The following NALCN variants were observed in gnomAD, a reference collection of about 807,000 sequenced individuals.
NALCN encodes sodium leak channel, non-selective, also known as sodium leak channel NALCN.
NALCN carries 111 observed loss-of-function variants against 225.3 expected under a neutral mutation model. That is an observed-to-expected ratio of 0.49 (90% CI 0.42 to 0.58). The LOEUF is 0.58. NALCN is among the 20% of genes least tolerant of loss of function. The pLI, the probability that NALCN is intolerant of heterozygous loss-of-function variation, is 0.00. For synonymous variants in NALCN, 764 were observed against 769.0 expected, an observed-to-expected ratio of 0.99 and a Z score of 0.11; for missense variants, 1,378 against 2,202.4, an observed-to-expected ratio of 0.63 and a Z score of 7.49.
intron 13 of NALCN, among the ~76,000 whole-genome samples, chr13:101,220,446 G>A (rs772687748): frequency 2.0e-5 from 3 of 152,150 alleles, no homozygotes; most frequent in African/African-American, 4.8e-5. Context: ...TATTTGATTA[G>A]GGATGATAAT....
At chr13:101,238,334 T>G (rs2041639232) in intron 11 of NALCN, among the ~76,000 whole-genome samples, 1 of 151,960 alleles carries the variant, frequency 6.6e-6, no homozygotes, top group Non-Finnish European at 1.5e-5. Context: ...TTAACCTAAT[T>G]AAACTAAAAT....
chr13:101,141,698 G>T (rs1421466915), intron 17 of NALCN, among the ~76,000 whole-genome samples: 1 of 151,912 alleles, frequency 6.6e-6, no homozygotes, highest in Non-Finnish European at 1.5e-5. Context: ...AAGGGGAGGC[G>T]AGATAAAGAG....
chr13:101,083,595 C>T (rs764078732), intron 31 of NALCN, 116 bp downstream of exon 31: 3 of 966,704 alleles, frequency 3.1e-6, no homozygotes, highest in Non-Finnish European at 4.6e-6. Context: ...TTCTGTATTA[C>T]CTTATGCACA....
At chr13:101,153,029 C>T (rs77040747) in intron 15 of NALCN, among the ~76,000 whole-genome samples, 3,874 of 152,076 alleles carry the variant, frequency 0.025, 160 homozygotes, top group African/African-American at 0.088. Context: ...CACACAAACA[C>T]GCACATACAC....
At position 101,290,638 on chromosome 13, in the gene NALCN, A is replaced by G. The variant is rs74117843; in HGVS notation, c.1047+1352T>C. 9.1e-3 allele frequency among the ~76,000 whole-genome samples: 1,393 copies of G among 152,352 alleles called. 29 individuals are homozygous for G. Among genetic ancestry groups the G allele is most frequent in the African/African-American group, 0.031 (1,301 of 41,582 alleles). On this transcript the variant is annotated intron_variant, in intron 9 of 43. Coordinates refer to ENST00000251127, the MANE Select transcript of NALCN (RefSeq NM_052867.4). ...TCATCTATAATGAATTGACTGGACA[A>G]TTCAGACTTTTACAGCATCATAAAG... is the stretch of plus-strand genomic sequence containing the variant.
At chr13:101,201,453 G>A (rs751308074) in intron 13 of NALCN, among the ~76,000 whole-genome samples, 19 of 152,118 alleles carry the variant, frequency 1.2e-4, no homozygotes, top group Non-Finnish European at 2.2e-4. Context: ...GTGGCCAGGG[G>A]TCATCCATGT....
At chr13:101,382,707 C>A (rs1220780314) in intron 3 of NALCN, among the ~76,000 whole-genome samples, 1 of 152,130 alleles carries the variant, frequency 6.6e-6, no homozygotes, top group Non-Finnish European at 1.5e-5. Context: ...TAATTTCGAA[C>A]GACCTCAGTT....
At chr13:101,307,197 T>C (rs2044181555) in intron 7 of NALCN, among the ~76,000 whole-genome samples, 1 of 152,192 alleles carries the variant, frequency 6.6e-6, no homozygotes, top group South Asian at 2.1e-4. Context: ...TGTTTTGGTA[T>C]GATTAGCTTC....
chr13:101,382,902 T>C (rs1000170988), intron 3 of NALCN, among the ~76,000 whole-genome samples: 3 of 152,184 alleles, frequency 2.0e-5, no homozygotes, highest in Non-Finnish European at 2.9e-5. Context: ...CAATCAGAAT[T>C]GACCTCTTTT....
At chr13:101,143,511 C>A (rs1297909890) in intron 16 of NALCN, among the ~76,000 whole-genome samples, 1 of 151,380 alleles carries the variant, frequency 6.6e-6, no homozygotes, top group African/African-American at 2.4e-5. Context: ...GTTGCCCAGG[C>A]TGGAGTGCAA....
intron 11 of NALCN, among the ~76,000 whole-genome samples, chr13:101,255,340 C>A (rs1254370234): frequency 6.6e-6 from 1 of 152,134 alleles, no homozygotes; most frequent in East Asian, 1.9e-4. Context: ...CAATTCTGTA[C>A]ATGAAAAAGT....
Position 101,313,704 on chromosome 13 carries a change from C to T in NALCN, c.800-21338G>A, listed in dbSNP as rs576578050. Among the ~76,000 whole-genome samples the T allele has an allele frequency of 2.6e-5, 4 of 152,334 alleles. No individual in the cohort carries two copies. The South Asian group carries it at 6.2e-4, about 24-fold the overall frequency. On this transcript the variant is annotated intron_variant, in intron 7 of 43. Coordinates refer to ENST00000251127, the MANE Select transcript of NALCN (RefSeq NM_052867.4). Reference sequence around the variant, plus strand: ...GTGGAGAAACAGGAACACTTTTACACTGTTGGTAGGACTATAAACTAGTTC... The same window carrying T: ...GTGGAGAAACAGGAACACTTTTACATTGTTGGTAGGACTATAAACTAGTTC...
chr13:101,251,396 G>A (rs908832609), intron 11 of NALCN, among the ~76,000 whole-genome samples: 6 of 151,992 alleles, frequency 3.9e-5, no homozygotes, highest in Non-Finnish European at 8.8e-5. Flanking sequence ...CTGTGGATTA[G>A]GGAGAAGGAG....
chr13:101,071,561 C>T (rs1305619765), intron 37 of NALCN, among the ~76,000 whole-genome samples: 1 of 152,184 alleles, frequency 6.6e-6, no homozygotes, highest in Non-Finnish European at 1.5e-5. Flanking sequence ...ACCTCTCTCA[C>T]CCTTCATAAA....
At chr13:101,264,322 T>C (rs1447407684) in intron 10 of NALCN, among the ~76,000 whole-genome samples, 1 of 152,192 alleles carries the variant, frequency 6.6e-6, no homozygotes, top group Non-Finnish European at 1.5e-5. Context: ...CATTTTGGTT[T>C]ACATTTTTTA....
At chr13:101,299,278 T>C (rs2043863724) in intron 7 of NALCN, among the ~76,000 whole-genome samples, 1 of 152,198 alleles carries the variant, frequency 6.6e-6, no homozygotes. Context: ...TATCTCTGCT[T>C]GCGGAATAAG....
chr13:101,110,067 T>C (rs2035349239), intron 20 of NALCN, among the ~76,000 whole-genome samples: 2 of 152,218 alleles, frequency 1.3e-5, no homozygotes, highest in South Asian at 2.1e-4. Context: ...TCCTCGTTCC[T>C]TAAAACAGAA....
rs749596048 is a variant in NALCN, at chr13:101,210,280, T to G, written c.1627-18226A>C. Among the ~76,000 whole-genome samples, 14 of 152,152 alleles carry G rather than the reference T, an allele frequency of 9.2e-5. 1 individual carries two copies. The highest frequency in any genetic ancestry group is 1.5e-5 in the Non-Finnish European group (1 of 68,022). On this transcript the variant is annotated intron_variant, in intron 13 of 43. Transcript: ENST00000251127. ...ATCATGCTTCCTGGAAATTAAGATTTCAACATTGATTCCTAGAAAAAATGT... is the reference window on the plus strand; with the variant it reads ...ATCATGCTTCCTGGAAATTAAGATTGCAACATTGATTCCTAGAAAAAATGT...
chr13:101,296,646 G>T (rs1418191892), intron 7 of NALCN, among the ~76,000 whole-genome samples: 1 of 152,164 alleles, frequency 6.6e-6, no homozygotes, highest in African/African-American at 2.4e-5. Flanking sequence ...AATGAAAAAT[G>T]ATGCTACAAC....
Sources: gnomAD v4.1 joint callset for allele counts (sites outside exome capture counted in the v4.1 genomes callset) on GRCh38, gnomAD v4.1.1 for gene constraint, MANE v1.5 for transcripts, NCBI Gene and HGNC (gene_info 2026-07-23, HGNC 2026-07-21) for gene names.